ZNF8: variants seen among roughly 807,000 people sequenced by gnomAD.
The protein encoded by ZNF8 is zinc finger protein 8, also known as zinc finger protein 272.
In ZNF8, 9 loss-of-function variants were observed where a neutral mutation model predicts 12.2. The observed-to-expected ratio is 0.73, with a 90% confidence interval of 0.44 to 1.28. The LOEUF (loss-of-function observed/expected upper bound fraction) is 1.28. Among genes scored for constraint, ZNF8 ranks in the 50% most tolerant of loss-of-function variants. ZNF8 has a pLI of 0.00. For synonymous variants in ZNF8, 274 were observed against 282.3 expected, an observed-to-expected ratio of 0.97 and a Z score of 0.30; for missense variants, 664 against 729.1, an observed-to-expected ratio of 0.91 and a Z score of 1.03.
Position 58,294,483 on chromosome 19 carries a change from A to G in ZNF8, c.675A>G (p.Gly225=), listed in dbSNP as rs748675076. 1.2e-6 allele frequency: 2 copies of G among 1,614,200 alleles called. No homozygotes were observed. Among genetic ancestry groups the G allele is most frequent in the South Asian group, 2.2e-5 (2 of 91,084 alleles). Residue 225 remains glycine, a synonymous_variant, in exon 4 of 4, where the codon GGA becomes GGG. Transcript: ENST00000621650. The surrounding 1 kb of genome is among the most constrained non-coding windows in gnomAD (Gnocchi z 5.5). The stretch of plus-strand genomic sequence containing the variant: ...TCAGTCAGCAGACAGGCTCCCCAGG[A>G]AAACAGCCCGGTGAAAACAGTGACT... ...SLVSQQTGSP[G]KQPGENSDCH... is the part of the protein sequence containing the mutation.
chr19:58,285,443 A>G (rs1038467465), intron 1 of ZNF8, among the ~76,000 whole-genome samples: 11 of 152,188 alleles, frequency 7.2e-5, no homozygotes, highest in Non-Finnish European at 1.2e-4. Context: ...GGTTTAGGCC[A>G]GTCTCTGCTG....
In ZNF8 at chr19:58,290,206, C is replaced by T. The variant is rs532122982; in HGVS notation, c.290-3892C>T. Among the ~76,000 whole-genome samples the T allele has an allele frequency of 2.1e-3, 319 of 151,328 alleles. 1 individual carries two copies. Among genetic ancestry groups the T allele is most frequent in the Non-Finnish European group, 3.6e-3 (241 of 67,852 alleles). On this transcript the variant is annotated intron_variant, in intron 3 of 3. Transcript: ENST00000621650. Reference sequence around the variant, plus strand: ...TCGGCTCATTGCAAGCTCCGCCTCCCGGGTTCACGCCATTCTGCCTTAGCC... The same window carrying T: ...TCGGCTCATTGCAAGCTCCGCCTCCTGGGTTCACGCCATTCTGCCTTAGCC...
intron 3 of ZNF8, chr19:58,286,438 C>T: frequency 2.4e-6 from 1 of 419,268 alleles, no homozygotes. Context: ...CCAGAGTCCC[C>T]TCACTGTGGA....
intron 1 of ZNF8, chr19:58,279,734 G>T (rs2051335874): frequency 1.3e-6 from 2 of 1,516,196 alleles, no homozygotes; most frequent in Admixed American, 2.0e-5. Flanking sequence ...AGTGCAGGGC[G>T]GTCAGTGTTT....
Position 58,296,172 on chromosome 19 carries a change from G to T in ZNF8, c.*636G>T, listed in dbSNP as rs2051453683. 1 of 152,396 alleles carries T rather than the reference G, an allele frequency of 6.6e-6. No homozygotes were observed. Among genetic ancestry groups the T allele is most frequent in the Non-Finnish European group, 1.5e-5 (1 of 68,194 alleles). The allele number at this position is 152,396 out of a possible 1,614,324, so 9.4% of individuals were successfully genotyped here. A position where few individuals can be genotyped will look rare whatever the true frequency, so the allele number is the denominator to read the frequency against. On this transcript the variant is annotated 3_prime_UTR_variant, in exon 4 of 4. Transcript: ENST00000621650. ...TGTGTGAAGTCCAGTTAGGTTCTCA[G>T]TTCATACCCTGAAAACTGCTTATTC...
At chr19:58,279,489 G>A in intron 1 of ZNF8, 1 of 1,476,810 alleles carries the variant, frequency 6.8e-7, no homozygotes. Flanking sequence ...GTCTGTCCTC[G>A]TGTTGACTGA....
At position 58,299,162 on chromosome 19, in the gene ZNF8, G is replaced by A. The variant is rs1417785284; in HGVS notation, c.*3626G>A. On this transcript the variant is annotated 3_prime_UTR_variant, in exon 4 of 4. Transcript: ENST00000621650. ...GAGTCTCGCTGTGTCACCCAGGCTG[G>A]AGTGCAGTGGTGCGATCTCGGCTCA... The A allele has an allele frequency of 6.7e-6, 1 of 149,076 alleles. No homozygotes were observed. Among genetic ancestry groups the A allele is most frequent in the Non-Finnish European group, 1.5e-5 (1 of 67,566 alleles). 9.2% of individuals were successfully genotyped at this position (149,076 alleles called of 1,614,324 possible).
Position 58,294,552 on chromosome 19 carries a change from A to G in ZNF8, c.744A>G (p.Thr248=), listed in dbSNP as rs2051440934. The change falls in exon 4 of 4, where the codon ACA becomes ACG. Residue 248 remains threonine (T), a synonymous_variant. Transcript: ENST00000621650. The surrounding 1 kb of genome is among the most constrained non-coding windows in gnomAD (Gnocchi z 5.5). Reference sequence around the variant, plus strand: ...AGGCCATTCCAATTACGGAACTCACAAAAAGCCAGGTGCAGGACAAACCCT... The same window carrying G: ...AGGCCATTCCAATTACGGAACTCACGAAAAGCCAGGTGCAGGACAAACCCT... The part of the protein sequence containing the change: ...SSQAIPITEL[T]KSQVQDKPYK... 1 of 1,614,180 alleles carries G rather than the reference A, an allele frequency of 6.2e-7. No individual in the cohort carries two copies. The highest frequency in any genetic ancestry group is 8.5e-7 in the Non-Finnish European group (1 of 1,180,040).
intron 3 of ZNF8, 154 bp downstream of exon 3, chr19:58,286,359 C>A: frequency 1.6e-6 from 1 of 607,666 alleles, no homozygotes; most frequent in Non-Finnish European, 2.9e-6. Context: ...TGACAGCTCT[C>A]AGTATAATGA....
At chr19:58,279,174 G>A (rs1438268927) in intron 1 of ZNF8, 27 bp downstream of exon 1, 15 of 1,547,142 alleles carry the variant, frequency 9.7e-6, no homozygotes, top group Non-Finnish European at 1.3e-5. Flanking sequence ...TAACGACGGC[G>A]GCGGGCTCCG....
Position 58,294,554 on chromosome 19 carries a change from A to G in ZNF8, c.746A>G (p.Lys249Arg). Residue 249 changes from lysine (K) to arginine (R), a missense_variant, in exon 4 of 4, where the codon AAA becomes AGA. Around this residue, in one of 3 missense-constraint regions of ZNF8, gnomAD observed 306 missense variants for 308.7 expected, o/e 0.99. Coordinates refer to ENST00000621650, the MANE Select transcript of ZNF8 (RefSeq NM_021089.3). The surrounding 1 kb of genome is among the most constrained non-coding windows in gnomAD (Gnocchi z 5.5). ...SQAIPITELT[K>R]SQVQDKPYKC... ...GCCATTCCAATTACGGAACTCACAAAAAGCCAGGTGCAGGACAAACCCTAC... is the reference window on the plus strand; with the variant it reads ...GCCATTCCAATTACGGAACTCACAAGAAGCCAGGTGCAGGACAAACCCTAC... 6.2e-7 allele frequency: 1 copy of G among 1,614,150 alleles called. No individual in the cohort carries two copies. The highest frequency in any genetic ancestry group is 1.1e-5 in the South Asian group (1 of 91,082).
chr19:58,294,048 C>A lies in ZNF8; in HGVS notation c.290-50C>A. 6.5e-7 allele frequency: 1 copy of A among 1,529,610 alleles called. No homozygotes were observed. Among genetic ancestry groups the A allele is most frequent in the Non-Finnish European group, 8.8e-7 (1 of 1,131,090 alleles). 94.8% of individuals were successfully genotyped at this position (1,529,610 alleles called of 1,614,324 possible). A position where few individuals can be genotyped will look rare whatever the true frequency, so the allele number is the denominator to read the frequency against. ...CCTATGGTGTTGGAGGCCTGTCCCC[C>A]TTCCGTTTTTTTCTCCCAACAGCTC... On this transcript the variant is annotated intron_variant, in intron 3 of 3. Transcript: ENST00000621650. The surrounding 1 kb of genome is among the most constrained non-coding windows in gnomAD (Gnocchi z 5.5).
At chr19:58,284,479 C>A (rs894597775) in intron 1 of ZNF8, among the ~76,000 whole-genome samples, 6 of 152,238 alleles carry the variant, frequency 3.9e-5, no homozygotes, top group African/African-American at 1.4e-4. Context: ...ATCTGGCTTT[C>A]AAGCATGGCT....
At chr19:58,279,546 T>A in intron 1 of ZNF8, 2 of 1,518,648 alleles carry the variant, frequency 1.3e-6, no homozygotes, top group Non-Finnish European at 1.8e-6. Flanking sequence ...GCAAGAATCA[T>A]CGAATAGAGA....
chr19:58,286,309 C>T, intron 3 of ZNF8, 104 bp downstream of exon 3: 1 of 886,142 alleles, frequency 1.1e-6, no homozygotes, highest in African/African-American at 1.6e-5. Context: ...AAGACCACCC[C>T]ATTCACTAGG....
rs192798101 is a variant in ZNF8 at position 58,297,655 on chromosome 19, A to C, written c.*2119A>C. ...CGAACCTTGGCGTCCCAAAGTGTTGAGATTATAGGCATGAGCCACTGTGCC... is the reference window on the plus strand; with the variant it reads ...CGAACCTTGGCGTCCCAAAGTGTTGCGATTATAGGCATGAGCCACTGTGCC... On this transcript the variant is annotated 3_prime_UTR_variant, in exon 4 of 4. Coordinates refer to ENST00000621650, the MANE Select transcript of ZNF8 (RefSeq NM_021089.3). 2 of 152,152 alleles carry C rather than the reference A, an allele frequency of 1.3e-5. No individual in the cohort carries two copies. The highest frequency in any genetic ancestry group is 2.9e-5 in the Non-Finnish European group (2 of 67,998). The allele number at this position is 152,152 out of a possible 1,614,324, so 9.4% of individuals were successfully genotyped here.
chr19:58,294,952 A>T lies in ZNF8; in HGVS notation c.1144A>T (p.Thr382Ser), dbSNP rs1364097625. ...GTGTGGGAAATCCTTCTCTCGGACC[A>T]CTTGCCTTTTCCTGCACCTGAGAAC... Reference protein sequence around the residue: ...SVCGKSFSRTTCLFLHLRTHT... With the variant: ...SVCGKSFSRTSCLFLHLRTHT... Residue 382 changes from threonine (T) to serine (S), a missense_variant, in exon 4 of 4, where the codon ACT (threonine) becomes TCT (serine). Physicochemically the swap from Thr to Ser is moderately conservative, Grantham distance 58. Around this residue, in one of 3 missense-constraint regions of ZNF8, gnomAD observed 133 missense variants for 198.4 expected, o/e 0.67. Transcript: ENST00000621650. The surrounding 1 kb of genome is among the most constrained non-coding windows in gnomAD (Gnocchi z 5.5). The T allele has an allele frequency of 6.2e-7, 1 of 1,614,108 alleles. No individual in the cohort carries two copies. Among genetic ancestry groups the T allele is most frequent in the South Asian group, 1.1e-5 (1 of 91,090 alleles).
intron 3 of ZNF8, among the ~76,000 whole-genome samples, chr19:58,291,130 A>C (rs977497616): frequency 6.6e-6 from 1 of 152,186 alleles, no homozygotes; most frequent in South Asian, 2.1e-4. Flanking sequence ...GGGCGATCTC[A>C]AGCCCCTCCT....
chr19:58,285,611 T>C (rs1403279399), intron 1 of ZNF8, 106 bp from the exon 2 acceptor site: 16 of 1,520,624 alleles, frequency 1.1e-5, no homozygotes, highest in Non-Finnish European at 1.5e-5. Context: ...TAACGTGCAG[T>C]CTCTCGTGAC....
Sources: allele counts gnomAD v4.1 joint callset (sites outside exome capture counted in the v4.1 genomes callset), GRCh38; gene constraint gnomAD v4.1.1; regional missense constraint gnomAD v4.1.1; non-coding constraint Gnocchi (gnomAD v3.1); transcripts MANE v1.5; gene names NCBI Gene and HGNC (gene_info 2026-07-23, HGNC 2026-07-21).